DNAH5: variants seen among roughly 807,000 people sequenced by gnomAD.
DNAH5 encodes axonemal beta dynein heavy chain 5.
Under a neutral mutation model 518.2 loss-of-function variants are expected in DNAH5, and 372 were observed. The ratio of observed to expected loss-of-function variants is 0.72; its 90% CI spans 0.66 to 0.78. The LOEUF is 0.78. DNAH5 is among the 30% of genes least tolerant of loss of function. DNAH5 has a pLI of 0.00. For synonymous variants in DNAH5, 2,039 were observed against 2,025.9 expected (o/e 1.01, Z -0.17); for missense variants, 5,523 against 5,687.0 (o/e 0.97, Z 0.93).
intron 30 of DNAH5, among the ~76,000 whole-genome samples, chr5:13,851,018 T>G (rs1301331067): frequency 6.6e-6 from 1 of 152,192 alleles, no homozygotes; most frequent in Admixed American, 6.5e-5. Flanking sequence ...GTAAGCATCC[T>G]TAGCTCAACC....
chr5:13,761,647 A>T (rs1412824526), intron 60 of DNAH5, among the ~76,000 whole-genome samples: 2 of 152,062 alleles, frequency 1.3e-5, no homozygotes, highest in African/African-American at 4.8e-5. Context: ...TATGCAAAGA[A>T]TGACTGTACT....
Position 13,753,421 on chromosome 5 carries a change from T to C in DNAH5, c.10684A>G (p.Asn3562Asp). 6.2e-7 allele frequency: 1 copy of C among 1,614,052 alleles called. No homozygotes were observed. Among genetic ancestry groups the C allele is most frequent in the Non-Finnish European group, 8.5e-7 (1 of 1,179,968 alleles). The change falls in exon 63 of 79, where the codon AAT becomes GAT. Residue 3562 changes from asparagine to aspartate, a missense_variant. Asn to Asp is a conservative substitution (Grantham distance 23). Transcript: ENST00000265104. ...ARKIPFGKNL[N>D]LSEMLIDAPT... ...GCATCAATCAACATCTCACTGAGATTTAGGTTCTTTCCAAATGGAATTTTC... is the reference window on the plus strand; with the variant it reads ...GCATCAATCAACATCTCACTGAGATCTAGGTTCTTTCCAAATGGAATTTTC...
Position 13,810,275 on chromosome 5 carries a change from C to T in DNAH5, c.7408-15G>A, listed in dbSNP as rs2127015707. On this transcript the variant is annotated splice_polypyrimidine_tract_variant and intron_variant, in intron 44 of 78. Coordinates refer to ENST00000265104, the MANE Select transcript of DNAH5 (RefSeq NM_001369.3). ...CCGCCTTGCTCCTGAGAAGGAAAGA[C>T]ACTTTTTTTTAATAACTTGATTCTG... The T allele has an allele frequency of 1.3e-6, 2 of 1,549,090 alleles. No individual in the cohort carries two copies. Among genetic ancestry groups the T allele is most frequent in the Non-Finnish European group, 8.7e-7 (1 of 1,145,820 alleles).
intron 47 of DNAH5, among the ~76,000 whole-genome samples, chr5:13,798,966 A>G (rs1758293790): frequency 6.6e-6 from 1 of 151,762 alleles, no homozygotes; most frequent in Non-Finnish European, 1.5e-5. Context: ...GGATTTCACT[A>G]TGTTGGCCAA....
intron 74 of DNAH5, among the ~76,000 whole-genome samples, chr5:13,716,031 C>A (rs529985534): frequency 1.3e-5 from 2 of 152,306 alleles, no homozygotes; most frequent in South Asian, 2.1e-4. Flanking sequence ...CTGGACATAT[C>A]CATAGGCTGT....
At chr5:13,708,076 T>C in intron 76 of DNAH5, 47 bp downstream of exon 76, 1 of 1,595,038 alleles carries the variant, frequency 6.3e-7, no homozygotes, top group South Asian at 1.1e-5. Context: ...TTACAACTCT[T>C]CACAATCATA....
intron 15 of DNAH5, among the ~76,000 whole-genome samples, chr5:13,897,121 T>G (rs1212487164): frequency 6.6e-6 from 1 of 152,228 alleles, no homozygotes; most frequent in East Asian, 1.9e-4. Flanking sequence ...TTGAAAATTT[T>G]GTTAAACACA....
At chr5:13,800,322 C>T (rs1386725745) in intron 47 of DNAH5, among the ~76,000 whole-genome samples, 1 of 152,166 alleles carries the variant, frequency 6.6e-6, no homozygotes, top group African/African-American at 2.4e-5. Context: ...TATACTTGGA[C>T]ATCTGATCTG....
At chr5:13,985,798 C>T (rs893997183) in intron 1 of DNAH5, among the ~76,000 whole-genome samples, 7 of 152,112 alleles carry the variant, frequency 4.6e-5, no homozygotes, top group South Asian at 2.1e-4. Context: ...ACACCACAGC[C>T]CAGTTAACAA....
chr5:13,978,056 C>A (rs1412696786), intron 1 of DNAH5, among the ~76,000 whole-genome samples: 2 of 152,156 alleles, frequency 1.3e-5, no homozygotes, highest in Admixed American at 1.3e-4. Flanking sequence ...AGCTTTGAGG[C>A]CCAAGGGGCC....
chr5:13,841,169 A>G (rs1373527177), intron 33 of DNAH5, 39 bp from the exon 34 acceptor site: 1 of 1,460,704 alleles, frequency 6.8e-7, no homozygotes, highest in Non-Finnish European at 9.6e-7. Context: ...TTTGTATGGC[A>G]TATTTATGTA....
chr5:13,714,763 T>C (rs536034284), intron 74 of DNAH5, 143 bp from the exon 75 acceptor site: 37 of 819,674 alleles, frequency 4.5e-5, no homozygotes, highest in Non-Finnish European at 6.6e-5. Flanking sequence ...CTCAATAATT[T>C]CTCCAGAAAA....
Position 13,885,168 on chromosome 5 carries a change from G to A in DNAH5, c.2804C>T (p.Ala935Val), listed in dbSNP as rs1457781570. 3 of 1,614,162 alleles carry A rather than the reference G, an allele frequency of 1.9e-6. No individual in the cohort carries two copies. The highest frequency in any genetic ancestry group is 2.5e-6 in the Non-Finnish European group (3 of 1,180,012). The change falls in exon 19 of 79, where the codon GCC becomes GTC. Residue 935 changes from alanine to valine, a missense_variant. This residue lies in a region of DNAH5 where 5,121 missense variants were observed against 5,223.3 expected (regional missense o/e 0.98). Coordinates refer to ENST00000265104, the MANE Select transcript of DNAH5 (RefSeq NM_001369.3). The stretch of plus-strand genomic sequence containing the variant: ...CCTCGTGACTGTCGTCAAAAGCAGG[G>A]CATTGGCCCTGGCATTAATAGATGA... ...LTSSINARANALLLTTVTRKK... is the reference protein window; with the variant it reads ...LTSSINARANVLLLTTVTRKK...
intron 25 of DNAH5, among the ~76,000 whole-genome samples, chr5:13,867,570 G>C (rs1372854700): frequency 6.6e-6 from 1 of 151,818 alleles, no homozygotes; most frequent in East Asian, 1.9e-4. Context: ...GTTCTTTATA[G>C]CAGTGTGAAA....
In DNAH5 at chr5:13,864,380, A is replaced by T; in HGVS notation, c.4596+17T>A. 6.2e-7 allele frequency: 1 copy of T among 1,613,422 alleles called. No homozygotes were observed. Among genetic ancestry groups the T allele is most frequent in the Non-Finnish European group, 8.5e-7 (1 of 1,179,960 alleles). ...ATCCCATGAGACCTTGCAATCTTCCATCACATCATACTCTACCTCTATTTC... is the reference window on the plus strand; with the variant it reads ...ATCCCATGAGACCTTGCAATCTTCCTTCACATCATACTCTACCTCTATTTC... On this transcript the variant is annotated intron_variant, in intron 28 of 78. Coordinates refer to ENST00000265104, the MANE Select transcript of DNAH5 (RefSeq NM_001369.3).
At chr5:13,755,468 T>G (rs1750872626) in intron 61 of DNAH5, among the ~76,000 whole-genome samples, 1 of 152,220 alleles carries the variant, frequency 6.6e-6, no homozygotes. Context: ...AAAATGCATC[T>G]GAAAGGCATA....
At chr5:13,810,656 A>T in intron 44 of DNAH5, 1 of 174,364 alleles carries the variant, frequency 5.7e-6, no homozygotes, top group Non-Finnish European at 1.2e-5. Flanking sequence ...CGGGAGGCTG[A>T]GGCAGGAGAA....
Position 13,820,375 on chromosome 5 carries a change from C to G in DNAH5, c.6812G>C (p.Cys2271Ser). 2.5e-6 allele frequency: 4 copies of G among 1,607,992 alleles called. No individual in the cohort carries two copies. The highest frequency in any genetic ancestry group is 3.4e-6 in the Non-Finnish European group (4 of 1,178,078). ...CATGGCTCTCATCAAGGTGTGGATG[C>G]AGGTGGTCTTCCCAGCCCCACTGGG... ...LGPSGAGKTT[C>S]IHTLMRAMTD... The change falls in exon 41 of 79, where the codon TGC becomes TCC. Residue 2271 changes from cysteine to serine, a missense_variant. Transcript: ENST00000265104.
At chr5:13,920,980 TTTTA>T (rs1368067039) in intron 5 of DNAH5, among the ~76,000 whole-genome samples, 2 of 118,666 alleles carry the variant, frequency 1.7e-5, no homozygotes, top group South Asian at 5.0e-4. Flanking sequence ...ATGCCAGCAA[TTTTA>T]TTTTTTTAGT....
Sources: allele counts gnomAD v4.1 joint callset (sites outside exome capture counted in the v4.1 genomes callset), GRCh38; gene constraint gnomAD v4.1.1; regional missense constraint gnomAD v4.1.1; transcripts MANE v1.5; gene names NCBI Gene and HGNC (gene_info 2026-07-23, HGNC 2026-07-21).